Variants in MTHFD1L observed in about 807,000 individuals in gnomAD.
MTHFD1L encodes methylenetetrahydrofolate dehydrogenase (NADP+ dependent) 1 like.
A neutral mutation model predicts 119.5 loss-of-function variants in MTHFD1L; 81 were observed. The ratio of observed to expected loss-of-function variants is 0.68; its 90% confidence interval spans 0.57 to 0.82. MTHFD1L has a LOEUF of 0.82. Ranked by LOEUF, MTHFD1L falls within the 40% of genes least tolerant of loss-of-function variation. The probability of loss-of-function intolerance (pLI) is 0.00; values close to 1 mark genes in which losing one functional copy is unlikely to be tolerated. For synonymous variants in MTHFD1L, 430 were observed against 475.2 expected (o/e 0.90, Z 1.24); for missense variants, 1,125 against 1,253.4 (o/e 0.90, Z 1.55).
rs369589506 is a variant in MTHFD1L at position 150,955,978 on chromosome 6, A to G, written c.1727-17A>G. 12 of 1,606,370 alleles carry G rather than the reference A, an allele frequency of 7.5e-6. No homozygotes were observed. In the African/African-American group the frequency reaches 1.3e-4, roughly 18 times the overall value. ...GTCCATATTTGTCGACTGAATGACT[A>G]ATCTGTTCTCTTTCAGTATTGGATA... On this transcript the variant is annotated splice_polypyrimidine_tract_variant and intron_variant, in intron 16 of 27. Transcript: ENST00000367321.
chr6:151,100,429 C>T (rs1344444525), intron 27 of MTHFD1L, among the ~76,000 whole-genome samples: 1 of 152,116 alleles, frequency 6.6e-6, no homozygotes, highest in Non-Finnish European at 1.5e-5. Context: ...TCATCAATAT[C>T]TTCTGTCTAG....
intron 7 of MTHFD1L, among the ~76,000 whole-genome samples, chr6:150,898,196 G>A (rs1170427522): frequency 2.0e-5 from 3 of 152,168 alleles, no homozygotes; most frequent in East Asian, 1.9e-4. Flanking sequence ...TAACAATGAA[G>A]CACCTTATAA....
chr6:151,046,689 G>A (rs554424007), intron 26 of MTHFD1L, among the ~76,000 whole-genome samples: 3 of 151,928 alleles, frequency 2.0e-5, no homozygotes, highest in African/African-American at 7.2e-5. Flanking sequence ...ATGTCTCTTA[G>A]TTACACTTTT....
intron 7 of MTHFD1L, among the ~76,000 whole-genome samples, chr6:150,890,651 G>A (rs1303440266): frequency 2.0e-5 from 3 of 152,144 alleles, no homozygotes; most frequent in South Asian, 2.1e-4. Context: ...TTGCCTCCTC[G>A]GAAGAAAGAA....
chr6:150,972,592 C>T (rs1798127571), intron 20 of MTHFD1L, among the ~76,000 whole-genome samples: 1 of 152,196 alleles, frequency 6.6e-6, no homozygotes, highest in Non-Finnish European at 1.5e-5. Flanking sequence ...GCCTGGGCAG[C>T]ATAGAAGACC....
At chr6:151,085,714 T>C (rs1562644783) in intron 26 of MTHFD1L, among the ~76,000 whole-genome samples, 1 of 152,006 alleles carries the variant, frequency 6.6e-6, no homozygotes. Flanking sequence ...GAGGTTGCAG[T>C]GAGCAGAGAT....
intron 26 of MTHFD1L, among the ~76,000 whole-genome samples, chr6:151,067,572 C>T (rs1452519653): frequency 6.6e-6 from 1 of 152,236 alleles, no homozygotes; most frequent in African/African-American, 2.4e-5. Context: ...GATCCACCCG[C>T]CTTGGCCTCC....
intron 7 of MTHFD1L, among the ~76,000 whole-genome samples, chr6:150,897,730 C>T (rs1288204468): frequency 6.6e-6 from 1 of 152,242 alleles, no homozygotes; most frequent in African/African-American, 2.4e-5. Flanking sequence ...TCACCTTCAG[C>T]CCACTGGCAG....
intron 26 of MTHFD1L, among the ~76,000 whole-genome samples, chr6:151,054,251 C>T (rs1391675017): frequency 6.6e-6 from 1 of 151,930 alleles, no homozygotes; most frequent in African/African-American, 2.4e-5. Flanking sequence ...AACAACATCA[C>T]GAAAAAGAAC....
chr6:150,902,294 G>A (rs894537531), intron 7 of MTHFD1L, among the ~76,000 whole-genome samples: 7 of 152,018 alleles, frequency 4.6e-5, no homozygotes, highest in African/African-American at 1.7e-4. Flanking sequence ...ACCCCCACAC[G>A]CTCCCTGTTA....
At chr6:151,084,703 T>C (rs1035668304) in intron 26 of MTHFD1L, among the ~76,000 whole-genome samples, 28 of 152,136 alleles carry the variant, frequency 1.8e-4, no homozygotes, top group Admixed American at 1.0e-3. Context: ...TGGTGGCTCA[T>C]GCCTGTAATC....
chr6:150,896,578 A>G (rs1326443596), intron 7 of MTHFD1L, among the ~76,000 whole-genome samples: 1 of 152,184 alleles, frequency 6.6e-6, no homozygotes, highest in Non-Finnish European at 1.5e-5. Flanking sequence ...AATTAAGTGC[A>G]CTGAATAGTG....
intron 24 of MTHFD1L, among the ~76,000 whole-genome samples, chr6:151,034,033 T>C (rs889860656): frequency 1.3e-5 from 2 of 151,796 alleles, no homozygotes; most frequent in South Asian, 2.1e-4. Context: ...GAAAAAAAAT[T>C]AGCTTGGAGT....
At chr6:150,945,599 G>A (rs1793801703) in intron 15 of MTHFD1L, 58 bp downstream of exon 15, 2 of 1,517,138 alleles carry the variant, frequency 1.3e-6, no homozygotes, top group Non-Finnish European at 1.8e-6. Flanking sequence ...GCATCAGAAA[G>A]ATTGTCAAAG....
At chr6:151,036,135 C>G (rs1398846420) in intron 25 of MTHFD1L, among the ~76,000 whole-genome samples, 1 of 152,218 alleles carries the variant, frequency 6.6e-6, no homozygotes, top group Non-Finnish European at 1.5e-5. Flanking sequence ...AAAGTGATGT[C>G]AACCGGGCAC....
intron 13 of MTHFD1L, among the ~76,000 whole-genome samples, chr6:150,941,643 A>G (rs1014321451): frequency 3.3e-5 from 5 of 152,146 alleles, no homozygotes; most frequent in Admixed American, 6.6e-5. Flanking sequence ...GGGGGTTAGA[A>G]AAGAGGAGGA....
intron 5 of MTHFD1L, among the ~76,000 whole-genome samples, chr6:150,885,389 T>A (rs1354155116): frequency 1.3e-5 from 2 of 152,104 alleles, no homozygotes; most frequent in Non-Finnish European, 2.9e-5. Context: ...GGAGTTGAGG[T>A]TTCGCCATGT....
At chr6:150,870,079 A>G (rs981174988) in intron 1 of MTHFD1L, among the ~76,000 whole-genome samples, 1 of 152,194 alleles carries the variant, frequency 6.6e-6, no homozygotes, top group Non-Finnish European at 1.5e-5. Flanking sequence ...CAGTAATAAT[A>G]CATTCTGTAT....
At chr6:150,984,086 T>A (rs1489266073) in intron 20 of MTHFD1L, among the ~76,000 whole-genome samples, 3 of 152,256 alleles carry the variant, frequency 2.0e-5, no homozygotes, top group African/African-American at 7.2e-5. Flanking sequence ...GATTTAATTT[T>A]ATGGTCAAAT....
Sources: allele counts gnomAD v4.1 joint callset (sites outside exome capture counted in the v4.1 genomes callset), GRCh38; gene constraint gnomAD v4.1.1; transcripts MANE v1.5; gene names NCBI Gene and HGNC (gene_info 2026-07-23, HGNC 2026-07-21).